LINGO2: variants seen among roughly 807,000 people sequenced by gnomAD.
The protein encoded by LINGO2 is leucine-rich repeat and immunoglobulin-like domain-containing nogo receptor-interacting protein 2.
A neutral mutation model predicts 30.6 loss-of-function variants in LINGO2; 14 were observed. The ratio of observed to expected loss-of-function variants is 0.46; its 90% CI spans 0.30 to 0.72. The LOEUF (loss-of-function observed/expected upper bound fraction) is 0.72. LINGO2 is among the 30% of genes least tolerant of loss of function. The pLI, the probability that LINGO2 is intolerant of heterozygous loss-of-function variation, is 0.07. For synonymous variants in LINGO2, 317 were observed against 288.5 expected (o/e 1.10, Z -1.00); for missense variants, 729 against 751.7 (o/e 0.97, Z 0.35).
At chr9:28,409,944 G>C (rs533277306) in intron 2 of LINGO2, among the ~76,000 whole-genome samples, 60 of 114,068 alleles carry the variant, frequency 5.3e-4, no homozygotes, top group Non-Finnish European at 7.7e-4. Flanking sequence ...AAGGAAGAGG[G>C]AGAAAGGCAG....
the LINGO2 span, among the ~76,000 whole-genome samples, chr9:29,189,459 G>A: frequency 1.3e-5 from 2 of 149,882 alleles, no homozygotes; most frequent in Admixed American, 6.6e-5. Context: ...AGACGGGGTC[G>A]CGCCGGGCAG....
chr9:28,812,423 T>C, the LINGO2 span, among the ~76,000 whole-genome samples: 2 of 152,322 alleles, frequency 1.3e-5, no homozygotes, highest in East Asian at 1.9e-4. Flanking sequence ...TTTGCTACTG[T>C]TCTGGGTAGA....
At chr9:28,258,919 G>T (rs1266729540) in intron 4 of LINGO2, among the ~76,000 whole-genome samples, 3 of 115,720 alleles carry the variant, frequency 2.6e-5, no homozygotes, top group African/African-American at 8.2e-5. Flanking sequence ...TATTTCATAA[G>T]TCAAAAAAAA....
chr9:28,428,066 C>T (rs562496211), intron 2 of LINGO2, among the ~76,000 whole-genome samples: 29 of 152,226 alleles, frequency 1.9e-4, no homozygotes, highest in Admixed American at 6.5e-4. Context: ...GAAACATCTT[C>T]GATCATTTCC....
the LINGO2 span, among the ~76,000 whole-genome samples, chr9:28,774,637 G>A: frequency 6.6e-6 from 1 of 151,980 alleles, no homozygotes; most frequent in East Asian, 1.9e-4. Context: ...ACTAGAGGTC[G>A]CTAAAACCAG....
the LINGO2 span, among the ~76,000 whole-genome samples, chr9:28,683,463 C>G: frequency 1.2e-4 from 19 of 152,106 alleles, 1 homozygote; most frequent in East Asian, 1.9e-3. Context: ...TTAAATCAAG[C>G]CTTCTAAGTT....
the LINGO2 span, among the ~76,000 whole-genome samples, chr9:29,015,712 A>G: frequency 1.3e-5 from 2 of 152,118 alleles, no homozygotes; most frequent in African/African-American, 4.8e-5. Flanking sequence ...TTCCTCTTCT[A>G]TTTGAAGTCT....
the LINGO2 span, among the ~76,000 whole-genome samples, chr9:29,001,362 T>C: frequency 6.6e-6 from 1 of 152,030 alleles, no homozygotes; most frequent in Non-Finnish European, 1.5e-5. Context: ...ACCAATGTTT[T>C]ATTCAGTTAT....
At chr9:28,333,136 A>T (rs554678290) in intron 3 of LINGO2, among the ~76,000 whole-genome samples, 1 of 152,344 alleles carries the variant, frequency 6.6e-6, no homozygotes, top group Non-Finnish European at 1.5e-5. Flanking sequence ...AAGCTTTCTA[A>T]CAAGTTGTGA....
the LINGO2 span, among the ~76,000 whole-genome samples, chr9:29,066,442 T>G: frequency 1.3e-5 from 2 of 151,942 alleles, no homozygotes; most frequent in Non-Finnish European, 1.5e-5. Context: ...CCAAGTGGGT[T>G]ATATAAAGGT....
chr9:28,561,736 T>TGA, intron 1 of LINGO2, among the ~76,000 whole-genome samples: 1 of 15,694 alleles, frequency 6.4e-5, no homozygotes, highest in South Asian at 4.2e-3. Flanking sequence ...TATATAATTT[T>TGA]GTGTGTGTGT....
At chr9:28,430,513 C>T (rs1024483832) in intron 2 of LINGO2, among the ~76,000 whole-genome samples, 1 of 152,104 alleles carries the variant, frequency 6.6e-6, no homozygotes, top group African/African-American at 2.4e-5. Flanking sequence ...CCAATATCAT[C>T]CTCCTAGAGA....
At chr9:28,440,099 T>A (rs10120046) in intron 2 of LINGO2, among the ~76,000 whole-genome samples, 47,983 of 150,548 alleles carry the variant, frequency 0.32, 8,010 homozygotes, top group East Asian at 0.57. Context: ...ACCTTGTTTT[T>A]ACACAGTGTC....
the LINGO2 span, among the ~76,000 whole-genome samples, chr9:28,931,421 C>T: frequency 6.6e-6 from 1 of 152,174 alleles, no homozygotes; most frequent in Non-Finnish European, 1.5e-5. Context: ...TGGGCAGGTA[C>T]AATCCATTTT....
the LINGO2 span, among the ~76,000 whole-genome samples, chr9:28,928,795 G>A: frequency 6.6e-6 from 1 of 152,106 alleles, no homozygotes; most frequent in Non-Finnish European, 1.5e-5. Flanking sequence ...CACTAGATGA[G>A]GAATCTAAGA....
At chr9:28,845,720 T>C in the LINGO2 span, among the ~76,000 whole-genome samples, 2 of 151,864 alleles carry the variant, frequency 1.3e-5, no homozygotes, top group Admixed American at 6.6e-5. Context: ...ATTTTGAATG[T>C]TAGAGTGTGA....
chr9:28,107,071 G>T (rs532852292), intron 4 of LINGO2, among the ~76,000 whole-genome samples: 4 of 151,842 alleles, frequency 2.6e-5, no homozygotes, highest in Non-Finnish European at 4.4e-5. Flanking sequence ...TTTGTTTTTC[G>T]GATCTCACTT....
chr9:28,375,313 T>C (rs1441919254), intron 2 of LINGO2, among the ~76,000 whole-genome samples: 1 of 152,234 alleles, frequency 6.6e-6, no homozygotes, highest in Non-Finnish European at 1.5e-5. Flanking sequence ...TTCAGCCTGC[T>C]AGTCAGTAGT....
chr9:28,859,305 T>C, the LINGO2 span, among the ~76,000 whole-genome samples: 753 of 152,146 alleles, frequency 4.9e-3, 8 homozygotes, highest in African/African-American at 0.018. Context: ...AGGACACTGA[T>C]TACAGTGCTG....
Sources: allele counts gnomAD v4.1 joint callset (sites outside exome capture counted in the v4.1 genomes callset), GRCh38; gene constraint gnomAD v4.1.1; transcripts MANE v1.5; gene names NCBI Gene and HGNC (gene_info 2026-07-23, HGNC 2026-07-21).